Variants in PTPRD observed in about 807,000 individuals in gnomAD.
PTPRD encodes protein tyrosine phosphatase receptor type D.
PTPRD carries 34 observed loss-of-function variants against 214.5 expected under a neutral mutation model. That is an observed-to-expected ratio of 0.16 (90% confidence interval 0.12 to 0.21). The LOEUF is 0.21. PTPRD is among the 10% of genes least tolerant of loss of function. The pLI is 1.00. For synonymous variants in PTPRD, 1,128 were observed against 845.7 expected (o/e 1.33, Z -5.79); for missense variants, 2,545 against 2,398.7 (o/e 1.06, Z -1.27).
chr9:10,136,072 C>G (rs553203936), intron 3 of PTPRD, among the ~76,000 whole-genome samples: 139 of 151,544 alleles, frequency 9.2e-4, no homozygotes, highest in Non-Finnish European at 1.7e-3. Context: ...CCAAAAAGAG[C>G]ACAGGTCGAT....
At chr9:10,261,711 G>A (rs2093710694) in intron 3 of PTPRD, among the ~76,000 whole-genome samples, 1 of 152,026 alleles carries the variant, frequency 6.6e-6, no homozygotes, top group African/African-American at 2.4e-5. Flanking sequence ...CTAATAACAT[G>A]GTTTAACAGA....
At chr9:9,730,200 T>A (rs186060723) in intron 7 of PTPRD, among the ~76,000 whole-genome samples, 1 of 152,282 alleles carries the variant, frequency 6.6e-6, no homozygotes, top group East Asian at 1.9e-4. Flanking sequence ...AATTAATTTG[T>A]ATTATTTGAA....
At chr9:10,322,483 T>C (rs184907230) in intron 3 of PTPRD, among the ~76,000 whole-genome samples, 2 of 152,152 alleles carry the variant, frequency 1.3e-5, no homozygotes, top group Admixed American at 6.5e-5. Flanking sequence ...ACAGTGATTT[T>C]AGGATACTCG....
chr9:9,864,954 ATAT>A (rs1323161059), intron 5 of PTPRD, among the ~76,000 whole-genome samples: 1 of 152,088 alleles, frequency 6.6e-6, no homozygotes, highest in Non-Finnish European at 1.5e-5. Flanking sequence ...TGTATTTCTG[ATAT>A]TATGGTGTAT....
At chr9:10,409,882 C>G (rs563972870) in intron 2 of PTPRD, among the ~76,000 whole-genome samples, 1 of 151,790 alleles carries the variant, frequency 6.6e-6, no homozygotes, top group South Asian at 2.1e-4. Context: ...AGCAGATTTT[C>G]CAGCCCCATT....
At chr9:8,872,114 T>C (rs1257513000) in intron 11 of PTPRD, among the ~76,000 whole-genome samples, 1 of 152,184 alleles carries the variant, frequency 6.6e-6, no homozygotes, top group South Asian at 2.1e-4. Flanking sequence ...GAAAAGTTTA[T>C]AACAAGTGGT....
At position 8,911,392 on chromosome 9, in the gene PTPRD, G is replaced by C. The variant is rs532709389; in HGVS notation, c.-104+107305C>G. The stretch of plus-strand genomic sequence containing the variant: ...GGTTGGGAGAACTGGATGCCCATGT[G>C]TGTGTCTGTGTGTGTGTGTGTGTTG... On this transcript the variant is annotated intron_variant, in intron 11 of 45. Coordinates refer to ENST00000381196, the MANE Select transcript of PTPRD (RefSeq NM_002839.4). 7.3e-5 allele frequency among the ~76,000 whole-genome samples: 10 copies of C among 136,984 alleles called. No individual in the cohort carries two copies. In the South Asian group the frequency reaches 2.4e-3, roughly 33 times the overall value. 89.9% of individuals were successfully genotyped at this position (136,984 alleles called of 152,430 possible). A position where few individuals can be genotyped will look rare whatever the true frequency, so the allele number is the denominator to read the frequency against.
chr9:9,762,646 G>C (rs926108159), intron 6 of PTPRD, among the ~76,000 whole-genome samples: 2 of 152,142 alleles, frequency 1.3e-5, no homozygotes, highest in African/African-American at 2.4e-5. Context: ...AAAAAGGATT[G>C]ATTCTCTTCC....
intron 4 of PTPRD, among the ~76,000 whole-genome samples, chr9:9,979,575 A>AT (rs1220504564): frequency 1.3e-5 from 2 of 152,208 alleles, no homozygotes. Flanking sequence ...ATTGTAACAT[A>AT]TAAGTAGAAC....
At chr9:10,273,294 T>G (rs10809053) in intron 3 of PTPRD, among the ~76,000 whole-genome samples, 61,385 of 151,944 alleles carry the variant, frequency 0.4, 13,836 homozygotes, top group East Asian at 0.55. Context: ...TGCCACACCA[T>G]GGGGTACATA....
At position 10,140,530 on chromosome 9, in the gene PTPRD, T is replaced by G. The variant is rs186316566; in HGVS notation, c.-544-106740A>C. Among the ~76,000 whole-genome samples, 464 of 151,692 alleles carry G rather than the reference T, an allele frequency of 3.1e-3. 4 individuals are homozygous for G. Among genetic ancestry groups the G allele is most frequent in the Non-Finnish European group, 4.9e-3 (334 of 67,890 alleles). ...TGGATAAATTTCTCGACACATACAC[T>G]CTCCCAAGACTAAACCAGGAAGGAG... On this transcript the variant is annotated intron_variant, in intron 3 of 45. Coordinates refer to ENST00000381196, the MANE Select transcript of PTPRD (RefSeq NM_002839.4).
chr9:10,411,942 T>C (rs1464956772), intron 2 of PTPRD, among the ~76,000 whole-genome samples: 1 of 151,844 alleles, frequency 6.6e-6, no homozygotes, highest in African/African-American at 2.4e-5. Context: ...GGATGAAAAG[T>C]ACTTAAATTG....
At chr9:9,124,742 A>T (rs1195483759) in intron 10 of PTPRD, among the ~76,000 whole-genome samples, 1 of 152,168 alleles carries the variant, frequency 6.6e-6, no homozygotes, top group Non-Finnish European at 1.5e-5. Context: ...GCCTTGTTGC[A>T]TTGTTTGCCA....
chr9:9,757,946 C>A (rs944497418), intron 6 of PTPRD, among the ~76,000 whole-genome samples: 1 of 151,900 alleles, frequency 6.6e-6, no homozygotes, highest in Admixed American at 6.6e-5. Context: ...CTAGAACCCC[C>A]GAATCTCTGA....
intron 2 of PTPRD, among the ~76,000 whole-genome samples, chr9:10,503,198 AAAAAAAAAAC>A (rs1189339798): frequency 6.0e-5 from 8 of 132,460 alleles, no homozygotes; most frequent in Non-Finnish European, 9.3e-5. Context: ...CAATACAAAA[AAAAAAAAAAC>A]AAAAAAAAAC....
chr9:9,200,859 T>G (rs577105340), intron 9 of PTPRD, among the ~76,000 whole-genome samples: 1 of 152,348 alleles, frequency 6.6e-6, no homozygotes, highest in Non-Finnish European at 1.5e-5. Context: ...AAACCATCAT[T>G]GATTACATTT....
At chr9:10,381,790 T>C (rs1469523927) in intron 2 of PTPRD, among the ~76,000 whole-genome samples, 2 of 151,986 alleles carry the variant, frequency 1.3e-5, no homozygotes, top group Non-Finnish European at 2.9e-5. Flanking sequence ...AATAATATTA[T>C]GTCATACATA....
At chr9:10,053,417 G>C (rs1160938438) in intron 3 of PTPRD, among the ~76,000 whole-genome samples, 1 of 152,108 alleles carries the variant, frequency 6.6e-6, no homozygotes, top group African/African-American at 2.4e-5. Flanking sequence ...ACTTGACTGA[G>C]GCATTTGGTC....
At position 9,093,801 on chromosome 9, in the gene PTPRD, G is replaced by A. The variant is rs557556892; in HGVS notation, c.-142-75066C>T. On this transcript the variant is annotated intron_variant, in intron 10 of 45. Coordinates refer to ENST00000381196, the MANE Select transcript of PTPRD (RefSeq NM_002839.4). ...TAAGAAACTAGAAAGGGAAGAGCAA[G>A]CAGAAGGAAGAAAATAAAGAGCGGA... Among the ~76,000 whole-genome samples the A allele has an allele frequency of 2.0e-5, 3 of 151,582 alleles. No individual in the cohort carries two copies. The South Asian group carries it at 6.2e-4, about 32-fold the overall frequency.
Sources: gnomAD v4.1 joint callset for allele counts (sites outside exome capture counted in the v4.1 genomes callset) on GRCh38, gnomAD v4.1.1 for gene constraint, MANE v1.5 for transcripts, NCBI Gene and HGNC (gene_info 2026-07-23, HGNC 2026-07-21) for gene names.